Variants in C12orf50 observed in about 807,000 individuals in gnomAD.
C12orf50 encodes zinc finger CCCH-type containing 11D, also known as uncharacterized protein C12orf50.
A neutral mutation model predicts 61.6 loss-of-function variants in C12orf50; 35 were observed. That is an observed-to-expected ratio of 0.57 (90% CI 0.43 to 0.75). C12orf50 has a LOEUF of 0.75. Ranked by LOEUF, C12orf50 falls within the 30% of genes least tolerant of loss-of-function variation. The probability of loss-of-function intolerance (pLI) is 0.00; values close to 1 mark genes in which losing one functional copy is unlikely to be tolerated. For synonymous variants in C12orf50, 178 were observed against 161.5 expected, an observed-to-expected ratio of 1.10 and a Z score of -0.77; for missense variants, 475 against 488.5, an observed-to-expected ratio of 0.97 and a Z score of 0.26.
intron 3 of C12orf50, among the ~76,000 whole-genome samples, chr12:88,000,281 C>T (rs1375324290): frequency 6.6e-6 from 1 of 152,024 alleles, no homozygotes; most frequent in Non-Finnish European, 1.5e-5. Context: ...GTCGAAAATA[C>T]TATTCTTTTC....
intron 9 of C12orf50, among the ~76,000 whole-genome samples, chr12:87,986,827 T>G (rs1025109512): frequency 6.6e-6 from 1 of 152,152 alleles, no homozygotes; most frequent in African/African-American, 2.4e-5. Flanking sequence ...AGAAGTTGGA[T>G]TAATGTAAAA....
intron 12 of C12orf50, among the ~76,000 whole-genome samples, chr12:87,982,360 C>T (rs767383638): frequency 2.0e-5 from 3 of 152,134 alleles, no homozygotes; most frequent in Non-Finnish European, 4.4e-5. Context: ...CAGTTATCCC[C>T]AGTATATAAA....
intron 3 of C12orf50, among the ~76,000 whole-genome samples, chr12:88,004,132 T>C (rs1310227603): frequency 1.3e-5 from 2 of 152,188 alleles, no homozygotes; most frequent in Non-Finnish European, 2.9e-5. Context: ...TTTTTACCCA[T>C]TGATAGTCTC....
chr12:87,998,281 T>G, intron 3 of C12orf50, 91 bp from the exon 4 acceptor site: 1 of 923,914 alleles, frequency 1.1e-6, no homozygotes, highest in Non-Finnish European at 1.5e-6. Flanking sequence ...TAATTAACTA[T>G]ATATTATTTT....
intron 7 of C12orf50, among the ~76,000 whole-genome samples, chr12:87,989,633 A>G (rs2031025205): frequency 6.6e-6 from 1 of 152,104 alleles, no homozygotes; most frequent in Non-Finnish European, 1.5e-5. Flanking sequence ...TCCTTAATGT[A>G]TAATAATCTT....
At chr12:88,005,498 T>C (rs1166485155) in intron 3 of C12orf50, among the ~76,000 whole-genome samples, 2 of 152,238 alleles carry the variant, frequency 1.3e-5, no homozygotes, top group African/African-American at 2.4e-5. Context: ...CCCATTGTTT[T>C]CATCAATGCA....
At chr12:87,999,470 T>C (rs1036502703) in intron 3 of C12orf50, among the ~76,000 whole-genome samples, 3 of 152,094 alleles carry the variant, frequency 2.0e-5, no homozygotes, top group Admixed American at 6.6e-5. Flanking sequence ...TATCACTTCA[T>C]ACTACAACGA....
intron 7 of C12orf50, among the ~76,000 whole-genome samples, chr12:87,992,785 G>C (rs953541121): frequency 5.3e-5 from 8 of 152,054 alleles, no homozygotes; most frequent in Non-Finnish European, 1.0e-4. Flanking sequence ...ATTTTAACAA[G>C]CTATTCACTT....
chr12:88,008,393 TCTC>T, intron 3 of C12orf50, among the ~76,000 whole-genome samples: 1 of 152,274 alleles, frequency 6.6e-6, no homozygotes, highest in East Asian at 1.9e-4. Context: ...AAGAATATGA[TCTC>T]ATTCTTTTTT....
intron 7 of C12orf50, among the ~76,000 whole-genome samples, chr12:87,989,967 T>G (rs1383274783): frequency 6.6e-6 from 1 of 152,146 alleles, no homozygotes; most frequent in Non-Finnish European, 1.5e-5. Flanking sequence ...ACTGAGTACT[T>G]TAAATCACAT....
intron 3 of C12orf50, among the ~76,000 whole-genome samples, chr12:88,019,630 AG>A (rs2032441013): frequency 6.6e-6 from 1 of 152,112 alleles, no homozygotes; most frequent in African/African-American, 2.4e-5. Context: ...AAGTAAACAG[AG>A]AAAAAAAAAA....
chr12:88,007,413 G>A (rs897822315), intron 3 of C12orf50, among the ~76,000 whole-genome samples: 1 of 152,148 alleles, frequency 6.6e-6, no homozygotes, highest in Admixed American at 6.5e-5. Flanking sequence ...AAATATCTGG[G>A]TAATTTATAA....
intron 3 of C12orf50, among the ~76,000 whole-genome samples, chr12:88,004,087 C>T (rs1465596895): frequency 1.3e-5 from 2 of 151,986 alleles, no homozygotes; most frequent in African/African-American, 4.8e-5. Context: ...GTGTGTTCAA[C>T]TCCAAAATTT....
intron 6 of C12orf50, 28 bp from the exon 7 acceptor site, chr12:87,994,771 C>A: frequency 2.8e-6 from 4 of 1,440,272 alleles, no homozygotes; most frequent in South Asian, 2.4e-5. Context: ...AAAAAGTCAC[C>A]CCAGAAATTA....
At chr12:88,012,056 T>C (rs182494054) in intron 3 of C12orf50, among the ~76,000 whole-genome samples, 130 of 152,346 alleles carry the variant, frequency 8.5e-4, no homozygotes, top group African/African-American at 2.9e-3. Context: ...CAGAGCTGTT[T>C]TGTTTTGCAT....
rs949680994 is a variant in C12orf50 at position 87,986,053 on chromosome 12, G to A, written c.923C>T (p.Ala308Val). ...QNFPNSGMQR[A>V]VQAPRPQNKM... ...ATTTTGGGGTCTTGGGGCCTGTACT[G>A]CTGTAAAGAAAGGTGGGAGGGAGTG... Residue 308 changes from alanine (A) to valine (V), a missense_variant and splice_region_variant, in exon 11 of 13, where the codon GCA becomes GTA. Physicochemically the swap from Ala to Val is moderately conservative, Grantham distance 64. Coordinates refer to ENST00000298699, the MANE Select transcript of C12orf50 (RefSeq NM_152589.3). 3 of 1,613,342 alleles carry A rather than the reference G, an allele frequency of 1.9e-6. No homozygotes were observed. The highest frequency in any genetic ancestry group is 4.5e-5 in the East Asian group (2 of 44,870).
chr12:88,005,902 T>G (rs551499191), intron 3 of C12orf50, among the ~76,000 whole-genome samples: 1 of 149,968 alleles, frequency 6.7e-6, no homozygotes, highest in Non-Finnish European at 1.5e-5. Context: ...TATGTTTTTT[T>G]GTTTTTTTGG....
chr12:88,013,054 A>G (rs1460043320), intron 3 of C12orf50, among the ~76,000 whole-genome samples: 1 of 152,094 alleles, frequency 6.6e-6, no homozygotes, highest in African/African-American at 2.4e-5. Context: ...ACAGAGCAAG[A>G]TCCTGTCTCC....
intron 3 of C12orf50, among the ~76,000 whole-genome samples, chr12:88,023,988 C>G (rs2032613048): frequency 2.0e-5 from 3 of 152,066 alleles, no homozygotes; most frequent in Admixed American, 6.5e-5. Flanking sequence ...GAACGCTTTT[C>G]AAAAGAAGAC....
Sources: gnomAD v4.1 joint callset for allele counts (sites outside exome capture counted in the v4.1 genomes callset) on GRCh38, gnomAD v4.1.1 for gene constraint, MANE v1.5 for transcripts, NCBI Gene and HGNC (gene_info 2026-07-23, HGNC 2026-07-21) for gene names.